GOLM1: variants seen among roughly 807,000 people sequenced by gnomAD.
GOLM1 encodes epididymis luminal protein 46.
GOLM1 carries 31 observed loss-of-function variants against 50.5 expected under a neutral mutation model. That is an observed-to-expected ratio of 0.61 (90% CI 0.46 to 0.83). The LOEUF is 0.83. Among genes scored for constraint, GOLM1 ranks in the 40% least tolerant of loss-of-function variants. The pLI, the probability that GOLM1 is intolerant of heterozygous loss-of-function variation, is 0.00. For synonymous variants in GOLM1, 178 were observed against 192.8 expected (o/e 0.92, Z 0.64); for missense variants, 491 against 501.3 (o/e 0.98, Z 0.20).
chr9:86,080,985 A>G (rs1834764471), intron 1 of GOLM1, among the ~76,000 whole-genome samples: 1 of 152,082 alleles, frequency 6.6e-6, no homozygotes, highest in Non-Finnish European at 1.5e-5. Flanking sequence ...CTTGGGCTCA[A>G]ATAATCCTCC....
intron 3 of GOLM1, among the ~76,000 whole-genome samples, chr9:86,064,972 A>G (rs751337869): frequency 6.6e-6 from 1 of 152,200 alleles, no homozygotes; most frequent in African/African-American, 2.4e-5. Flanking sequence ...GGAGGCTAGA[A>G]TGTGGAACAG....
At chr9:86,074,929 C>A (rs1277749670) in intron 3 of GOLM1, among the ~76,000 whole-genome samples, 1 of 152,174 alleles carries the variant, frequency 6.6e-6, no homozygotes, top group African/African-American at 2.4e-5. Flanking sequence ...AAAAAATCTG[C>A]TACGGTCTGA....
chr9:86,060,888 AAAAAAAAAAAAAAAAAAAAAAAAAAAG>A (rs987305913), intron 3 of GOLM1, among the ~76,000 whole-genome samples: 14 of 72,146 alleles, frequency 1.9e-4, no homozygotes, highest in African/African-American at 1.9e-3. Flanking sequence ...AAAAAAAAAA[AAAAAAAAAAAAAAAAAAAAAAAAAAAG>A]AAGAAGAAGA....
rs78180749 is a variant in GOLM1 at position 86,036,829 on chromosome 9, T to C, written c.598-322A>G. Reference sequence around the variant, plus strand: ...AACAAAAAAGACATGAACGACACAATACTCCTTGACGAAACAAACATCTGC... The same window carrying C: ...AACAAAAAAGACATGAACGACACAACACTCCTTGACGAAACAAACATCTGC... On this transcript the variant is annotated intron_variant, in intron 6 of 9. Coordinates refer to ENST00000388712, the MANE Select transcript of GOLM1 (RefSeq NM_016548.4). 11,360 of 308,524 alleles carry C rather than the reference T, an allele frequency of 0.037. 1,152 individuals carry two copies. In the East Asian group the frequency reaches 0.37, roughly 10 times the overall value. 19.1% of individuals were successfully genotyped at this position (308,524 alleles called of 1,614,324 possible).
chr9:86,046,649 A>C (rs1463452187), intron 4 of GOLM1, 77 bp from the exon 5 acceptor site: 2 of 820,066 alleles, frequency 2.4e-6, no homozygotes, highest in African/African-American at 3.4e-5. Context: ...TGACAGAGGC[A>C]GACTCACACA....
chr9:86,053,397 TCCACACCACACACTTCACACCAAACCACA>T (rs1833842578), intron 3 of GOLM1, among the ~76,000 whole-genome samples: 1 of 4,066 alleles, frequency 2.5e-4, no homozygotes, highest in Admixed American at 2.5e-3. Context: ...CACACATCAG[TCCACACCACACACTTCACACCAAACCACA>T]CCACACCACA....
intron 6 of GOLM1, among the ~76,000 whole-genome samples, chr9:86,038,379 G>A (rs1833221964): frequency 6.6e-6 from 1 of 151,974 alleles, no homozygotes; most frequent in African/African-American, 2.4e-5. Flanking sequence ...TAACCAGGCC[G>A]GCCCTCACGA....
chr9:86,036,358 T>A lies in GOLM1; in HGVS notation c.747A>T (p.Gln249His). 3 of 1,614,202 alleles carry A rather than the reference T, an allele frequency of 1.9e-6. No homozygotes were observed. Among genetic ancestry groups the A allele is most frequent in the Non-Finnish European group, 2.5e-6 (3 of 1,180,014 alleles). Residue 249 changes from glutamine (Q) to histidine (H), a missense_variant, in exon 7 of 10, where the codon CAA (glutamine) becomes CAT (histidine). Physicochemically the swap from Gln to His is conservative, Grantham distance 24 (BLOSUM62 0). Transcript: ENST00000388712. ...SSEVVLDSKR[Q>H]VEKEETNEIQ... is the part of the protein sequence containing the mutation. ...CTGGGCTCTGCTTACCTTTCTCAAC[T>A]TGTCTCTTTGAATCCAAAACCACTT...
intron 1 of GOLM1, among the ~76,000 whole-genome samples, chr9:86,099,129 A>G (rs1306168434): frequency 1.3e-5 from 2 of 152,178 alleles, no homozygotes; most frequent in Admixed American, 1.3e-4. Context: ...ACTGCAGGGC[A>G]GGGAATCCTC....
At chr9:86,079,766 T>C (rs1488525497) in intron 1 of GOLM1, 2 of 154,820 alleles carry the variant, frequency 1.3e-5, no homozygotes, top group Non-Finnish European at 2.9e-5. Flanking sequence ...CAATAACAAA[T>C]ATTAAGTGCT....
rs542915341 is a variant in GOLM1 at position 86,059,300 on chromosome 9, C to T, written c.310-6709G>A. ...AAAAAGTGGTAACAATCCAAATGTC[C>T]GTCAACAGGCGAACAGATAAAGCAA... On this transcript the variant is annotated intron_variant, in intron 3 of 9. Transcript: ENST00000388712. 1.4e-4 allele frequency among the ~76,000 whole-genome samples: 21 copies of T among 152,254 alleles called. No individual in the cohort carries two copies. In the South Asian group the frequency reaches 4.1e-3, roughly 30 times the overall value.
chr9:86,036,546 T>C, intron 6 of GOLM1, 39 bp from the exon 7 acceptor site: 1 of 1,603,960 alleles, frequency 6.2e-7, no homozygotes, highest in Non-Finnish European at 8.5e-7. Flanking sequence ...AGGGCAGGGC[T>C]CTGTGAACAG....
rs573435986 is a variant in GOLM1, at chr9:86,080,502, C to T, written c.-21-1161G>A. On this transcript the variant is annotated intron_variant, in intron 1 of 9. Transcript: ENST00000388712. ...GATGGTGGGCAAAAAAGACAAGGGA[C>T]GGGTAAGGAAGAGGATACCACCAAG... is the stretch of plus-strand genomic sequence containing the variant. Among the ~76,000 whole-genome samples the T allele has an allele frequency of 7.2e-5, 11 of 152,140 alleles. No homozygotes were observed. The East Asian group carries it at 7.8e-4, about 11-fold the overall frequency.
intron 3 of GOLM1, among the ~76,000 whole-genome samples, chr9:86,054,267 CTTT>C (rs1377924416): frequency 4.3e-5 from 6 of 140,142 alleles, no homozygotes; most frequent in African/African-American, 7.9e-5. Context: ...CACTCATTGA[CTTT>C]TTTTTTTTTT....
At chr9:86,086,998 G>A (rs1278830141) in intron 1 of GOLM1, among the ~76,000 whole-genome samples, 1 of 152,142 alleles carries the variant, frequency 6.6e-6, no homozygotes, top group African/African-American at 2.4e-5. Flanking sequence ...GAAAGTCAAG[G>A]GTAGCTTGAT....
At chr9:86,092,669 C>A (rs1835222695) in intron 1 of GOLM1, among the ~76,000 whole-genome samples, 1 of 152,186 alleles carries the variant, frequency 6.6e-6, no homozygotes, top group African/African-American at 2.4e-5. Context: ...AAGGAAGTAA[C>A]ACAATGAGGC....
intron 3 of GOLM1, among the ~76,000 whole-genome samples, chr9:86,056,781 G>A (rs943429865): frequency 6.6e-6 from 1 of 152,000 alleles, no homozygotes; most frequent in African/African-American, 2.4e-5. Context: ...TGGGATTACA[G>A]GCATGAGGCA....
intron 3 of GOLM1, among the ~76,000 whole-genome samples, chr9:86,059,765 C>T (rs1189463345): frequency 6.6e-6 from 1 of 151,634 alleles, no homozygotes; most frequent in Non-Finnish European, 1.5e-5. Flanking sequence ...CATGGTGGCA[C>T]CTGTAATCCC....
intron 1 of GOLM1, among the ~76,000 whole-genome samples, chr9:86,085,235 A>G (rs984915339): frequency 6.6e-6 from 1 of 152,172 alleles, no homozygotes; most frequent in African/African-American, 2.4e-5. Context: ...GTGAGTACAA[A>G]TGAGTGTCTT....
Sources: gnomAD v4.1 joint callset for allele counts (sites outside exome capture counted in the v4.1 genomes callset) on GRCh38, gnomAD v4.1.1 for gene constraint, MANE v1.5 for transcripts, NCBI Gene and HGNC (gene_info 2026-07-23, HGNC 2026-07-21) for gene names.